The following DAP variants were observed in gnomAD, a reference collection of about 807,000 sequenced individuals.
DAP encodes death associated protein.
A neutral mutation model predicts 13.8 loss-of-function variants in DAP; 8 were observed. The ratio of observed to expected loss-of-function variants is 0.58; its 90% confidence interval spans 0.34 to 1.05. The LOEUF (loss-of-function observed/expected upper bound fraction) is 1.05. Ranked by LOEUF, DAP falls within the 50% of genes least tolerant of loss-of-function variation. The pLI, the probability that DAP is intolerant of heterozygous loss-of-function variation, is 0.03. For synonymous variants in DAP, 47 were observed against 47.5 expected (o/e 0.99, Z 0.04); for missense variants, 106 against 133.2 (o/e 0.80, Z 1.01).
chr5:10,686,284 ACT>A (rs1738152644), intron 2 of DAP, among the ~76,000 whole-genome samples: 1 of 152,166 alleles, frequency 6.6e-6, no homozygotes, highest in African/African-American at 2.4e-5. Context: ...GCAATTAACA[ACT>A]CTACAATGGT....
chr5:10,709,965 G>A (rs1055449067), intron 2 of DAP, among the ~76,000 whole-genome samples: 1 of 152,186 alleles, frequency 6.6e-6, no homozygotes, highest in Non-Finnish European at 1.5e-5. Context: ...CTCAAACACA[G>A]AGGCCCAGCG....
intron 2 of DAP, among the ~76,000 whole-genome samples, chr5:10,725,526 G>A (rs565699604): frequency 6.6e-6 from 1 of 152,340 alleles, no homozygotes; most frequent in Admixed American, 6.5e-5. Flanking sequence ...CAACACTGCC[G>A]TGGTGTCTTA....
chr5:10,756,887 C>G (rs1432955795), intron 1 of DAP, among the ~76,000 whole-genome samples: 1 of 148,704 alleles, frequency 6.7e-6, no homozygotes, highest in Non-Finnish European at 1.5e-5. Flanking sequence ...CTCTGCTAAT[C>G]TGCATTTGCA....
intron 2 of DAP, among the ~76,000 whole-genome samples, chr5:10,742,811 T>G (rs1368872487): frequency 6.6e-6 from 1 of 152,224 alleles, no homozygotes; most frequent in Non-Finnish European, 1.5e-5. Context: ...TATGGCTGCA[T>G]GGGCGTCAGT....
At chr5:10,685,019 C>T (rs1170906151) in intron 2 of DAP, among the ~76,000 whole-genome samples, 3 of 152,218 alleles carry the variant, frequency 2.0e-5, no homozygotes, top group Non-Finnish European at 4.4e-5. Context: ...TTCTCCTCTG[C>T]TGCCAGTGGT....
chr5:10,719,948 G>A (rs1041043727), intron 2 of DAP, among the ~76,000 whole-genome samples: 2 of 152,222 alleles, frequency 1.3e-5, no homozygotes, highest in African/African-American at 4.8e-5. Flanking sequence ...ATCCCTGAAG[G>A]ATGCAGTGAA....
chr5:10,697,864 A>T lies in DAP; in HGVS notation c.153-14293T>A, dbSNP rs567566725. On this transcript the variant is annotated intron_variant, in intron 2 of 3. Transcript: ENST00000230895. ...ACTAGGATGTTTTTGTGTCGAACCCAGCAACAGAATTAGAGAGATGCCAGA... is the reference window on the plus strand; with the variant it reads ...ACTAGGATGTTTTTGTGTCGAACCCTGCAACAGAATTAGAGAGATGCCAGA... 7.9e-5 allele frequency among the ~76,000 whole-genome samples: 12 copies of T among 152,282 alleles called. No individual in the cohort carries two copies. In the South Asian group the frequency reaches 2.5e-3, roughly 32 times the overall value.
chr5:10,717,385 G>T (rs1579802261), intron 2 of DAP, among the ~76,000 whole-genome samples: 1 of 152,172 alleles, frequency 6.6e-6, no homozygotes, highest in Admixed American at 6.5e-5. Flanking sequence ...TGAGGGCATT[G>T]ATTGGAAAAG....
In DAP at chr5:10,748,284, C is replaced by T. The variant is rs908836912; in HGVS notation, c.56-13G>A. On this transcript the variant is annotated splice_polypyrimidine_tract_variant and intron_variant, in intron 1 of 3. Coordinates refer to ENST00000230895, the MANE Select transcript of DAP (RefSeq NM_004394.3). ...CCACCAGCTTTCACTGAAATGAAAA[C>T]AGAGAGTGTGGGATTAATGTGGAAA... is the stretch of plus-strand genomic sequence containing the variant. 1.2e-6 allele frequency: 2 copies of T among 1,610,464 alleles called. No individual in the cohort carries two copies. The highest frequency in any genetic ancestry group is 1.7e-6 in the Non-Finnish European group (2 of 1,176,786).
chr5:10,754,044 C>T (rs116176380), intron 1 of DAP, among the ~76,000 whole-genome samples: 3 of 152,228 alleles, frequency 2.0e-5, no homozygotes, highest in Non-Finnish European at 2.9e-5. Context: ...CTTCCCAATG[C>T]GAACAGGGCA....
rs55645932 is a variant in DAP, at chr5:10,733,155, C to CGTGTGTGTGTGTGT, written c.152+15006_152+15019dup. On this transcript the variant is annotated intron_variant, in intron 2 of 3. Coordinates refer to ENST00000230895, the MANE Select transcript of DAP (RefSeq NM_004394.3). The stretch of plus-strand genomic sequence containing the variant: ...TTTTTAAGGTTGAATAATATTCCTG[C>CGTGTGTGTGTGTGT]GTGTGTGTGTGTGTGTGTGTGTGTG... Among the ~76,000 whole-genome samples, 13 of 128,480 alleles carry CGTGTGTGTGTGTGT rather than the reference C, an allele frequency of 1.0e-4. 1 individual carries two copies. Among genetic ancestry groups the CGTGTGTGTGTGTGT allele is most frequent in the Middle Eastern group, 3.7e-3 (1 of 268 alleles). The allele number at this position is 128,480 out of a possible 152,430, so 84.3% of individuals were successfully genotyped here.
intron 2 of DAP, among the ~76,000 whole-genome samples, chr5:10,695,520 A>G (rs921022163): frequency 6.6e-6 from 1 of 152,242 alleles, no homozygotes; most frequent in Non-Finnish European, 1.5e-5. Flanking sequence ...GGGCACAACC[A>G]GAGGTGCTTT....
Position 10,707,147 on chromosome 5 carries a change from A to C in DAP, c.153-23576T>G, listed in dbSNP as rs1689924745. ...AATGTCAAATGAATAATGAAAACTCAACTGGGCATTTACATTTAAGCCAAG... is the reference window on the plus strand; with the variant it reads ...AATGTCAAATGAATAATGAAAACTCCACTGGGCATTTACATTTAAGCCAAG... On this transcript the variant is annotated intron_variant, in intron 2 of 3. Transcript: ENST00000230895. The surrounding 1 kb of genome is among the most constrained non-coding windows in gnomAD (Gnocchi z 4.0). 6.6e-6 allele frequency among the ~76,000 whole-genome samples: 1 copy of C among 152,188 alleles called. No individual in the cohort carries two copies. Among genetic ancestry groups the C allele is most frequent in the Non-Finnish European group, 1.5e-5 (1 of 68,034 alleles).
At chr5:10,721,219 T>A (rs1348880293) in intron 2 of DAP, among the ~76,000 whole-genome samples, 1 of 152,146 alleles carries the variant, frequency 6.6e-6, no homozygotes, top group African/African-American at 2.4e-5. Context: ...GATTCACGGG[T>A]CCAGGAACTA....
intron 2 of DAP, among the ~76,000 whole-genome samples, chr5:10,736,856 G>A (rs1739624634): frequency 6.6e-6 from 1 of 152,168 alleles, no homozygotes; most frequent in East Asian, 1.9e-4. Context: ...CTTCTCCCTG[G>A]AAGAGGCCTC....
intron 2 of DAP, among the ~76,000 whole-genome samples, chr5:10,686,579 C>G (rs1738160382): frequency 6.6e-6 from 1 of 152,200 alleles, no homozygotes; most frequent in South Asian, 2.1e-4. Context: ...CAAGCCACAA[C>G]ATTCCCTTAA....
intron 2 of DAP, among the ~76,000 whole-genome samples, chr5:10,715,679 T>TA (rs5745220): frequency 0.022 from 3,283 of 152,266 alleles, 93 homozygotes; most frequent in African/African-American, 0.071. Flanking sequence ...GTGAGTGAGT[T>TA]AACTAAGGTC....
chr5:10,759,744 CTTTTTT>C (rs1169454640), intron 1 of DAP, among the ~76,000 whole-genome samples: 1 of 88,202 alleles, frequency 1.1e-5, no homozygotes, highest in Non-Finnish European at 2.0e-5. Context: ...TAATGGGAAT[CTTTTTT>C]TTTTTTTTTT....
At chr5:10,714,657 G>A (rs995714741) in intron 2 of DAP, among the ~76,000 whole-genome samples, 1 of 152,078 alleles carries the variant, frequency 6.6e-6, no homozygotes, top group Non-Finnish European at 1.5e-5. Context: ...TTCTCATGGT[G>A]GAATCATAAT....
Sources: allele counts gnomAD v4.1 joint callset (sites outside exome capture counted in the v4.1 genomes callset), GRCh38; gene constraint gnomAD v4.1.1; non-coding constraint Gnocchi (gnomAD v3.1); transcripts MANE v1.5; gene names NCBI Gene and HGNC (gene_info 2026-07-23, HGNC 2026-07-21).